Variants in AGGF1 observed in about 807,000 individuals in gnomAD.
The protein encoded by AGGF1 is angiogenic factor with G-patch and FHA domains 1, also known as angiogenic factor with G patch and FHA domains 1.
In AGGF1, 56 loss-of-function variants were observed where a neutral mutation model predicts 86.5. The ratio of observed to expected loss-of-function variants is 0.65; its 90% CI spans 0.52 to 0.81. The LOEUF is 0.81. Ranked by LOEUF, AGGF1 falls within the 30% of genes least tolerant of loss-of-function variation. AGGF1 has a pLI of 0.00. For synonymous variants in AGGF1, 313 were observed against 297.1 expected (o/e 1.05, Z -0.55); for missense variants, 816 against 850.9 (o/e 0.96, Z 0.51).
chr5:77,063,318 C>A lies in AGGF1; in HGVS notation c.*66C>A. Reference sequence around the variant, plus strand: ...TAGAATTTGGAAACTTATTTTTTCTCCCCAAAAGAATCAGCAGCACAGGGG... The same window carrying A: ...TAGAATTTGGAAACTTATTTTTTCTACCCAAAAGAATCAGCAGCACAGGGG... On this transcript the variant is annotated 3_prime_UTR_variant, in exon 14 of 14. Coordinates refer to ENST00000312916, the MANE Select transcript of AGGF1 (RefSeq NM_018046.5). 1 of 1,455,220 alleles carries A rather than the reference C, an allele frequency of 6.9e-7. No homozygotes were observed. The highest frequency in any genetic ancestry group is 1.2e-5 in the South Asian group (1 of 83,122). 90.1% of individuals were successfully genotyped at this position (1,455,220 alleles called of 1,614,324 possible).
chr5:77,048,839 G>A (rs375281278), intron 7 of AGGF1, 97 bp from the exon 8 acceptor site: 64 of 1,117,484 alleles, frequency 5.7e-5, no homozygotes, highest in South Asian at 1.4e-4. Flanking sequence ...GTTGATAGAC[G>A]TGTATTTTAA....
rs1417633719 is a variant in AGGF1 at position 77,063,542 on chromosome 5, C to T, written c.*290C>T. The T allele has an allele frequency of 5.4e-6, 2 of 372,704 alleles. No homozygotes were observed. The highest frequency in any genetic ancestry group is 9.9e-6 in the Non-Finnish European group (2 of 202,168). 23.1% of individuals were successfully genotyped at this position (372,704 alleles called of 1,614,324 possible). On this transcript the variant is annotated 3_prime_UTR_variant, in exon 14 of 14. Transcript: ENST00000312916. ...TACAACATCCATATAAGCAACTAGC[C>T]ATATAAGCAAAATTCATAGAACTAC... is the stretch of plus-strand genomic sequence containing the variant.
At chr5:77,052,020 TGAGAAG>T (rs1747379734) in intron 8 of AGGF1, among the ~76,000 whole-genome samples, 1 of 152,170 alleles carries the variant, frequency 6.6e-6, no homozygotes, top group Non-Finnish European at 1.5e-5. Flanking sequence ...GAAACTTCTC[TGAGAAG>T]TTGGCCTTGA....
rs1172733362 is a variant in AGGF1 at position 77,036,180 on chromosome 5, T to C, written c.517-376T>C. ...TGTGTTTGATATATCTCATTTAATC[T>C]ACAGTTTTCTCCTTCATTTGTCTTT... On this transcript the variant is annotated intron_variant, in intron 3 of 13. Transcript: ENST00000312916. The C allele has an allele frequency of 3.0e-5, 8 of 270,136 alleles. No individual in the cohort carries two copies. In the East Asian group the frequency reaches 8.1e-4, roughly 27 times the overall value. 16.7% of individuals were successfully genotyped at this position (270,136 alleles called of 1,614,324 possible).
At chr5:77,052,135 T>C (rs994507810) in intron 8 of AGGF1, among the ~76,000 whole-genome samples, 14 of 152,130 alleles carry the variant, frequency 9.2e-5, no homozygotes, top group African/African-American at 3.4e-4. Flanking sequence ...GGAGGATCAC[T>C]TGAGCTCAGG....
Position 77,054,016 on chromosome 5 carries a change from A to T in AGGF1, c.1519A>T (p.Ile507Phe), listed in dbSNP as rs938853023. 3.1e-6 allele frequency: 5 copies of T among 1,614,200 alleles called. No homozygotes were observed. Among genetic ancestry groups the T allele is most frequent in the Non-Finnish European group, 3.4e-6 (4 of 1,180,028 alleles). Reference protein sequence around the residue: ...YVLEHGDEVKIGETVLSFHIH... With the variant: ...YVLEHGDEVKFGETVLSFHIH... ...ACTTGAGCATGGAGATGAAGTCAAA[A>T]TTGGAGAAACTGTCTTATCCTTTCA... The change falls in exon 10 of 14, where the codon ATT (isoleucine) becomes TTT (phenylalanine). Residue 507 changes from isoleucine (I) to phenylalanine (F), a missense_variant. Ile to Phe is a conservative substitution (Grantham distance 21). This residue lies in a region of AGGF1 where 565 missense variants were observed against 585.8 expected (regional missense o/e 0.96). Coordinates refer to ENST00000312916, the MANE Select transcript of AGGF1 (RefSeq NM_018046.5).
rs906690829 is a variant in AGGF1 at position 77,064,155 on chromosome 5, C to G, written c.*903C>G. The G allele has an allele frequency of 3.3e-5, 5 of 152,712 alleles. No individual in the cohort carries two copies. The highest frequency in any genetic ancestry group is 2.1e-4 in the South Asian group (1 of 4,826). The allele number at this position is 152,712 out of a possible 1,614,324, so 9.5% of individuals were successfully genotyped here. A position where few individuals can be genotyped will look rare whatever the true frequency, so the allele number is the denominator to read the frequency against. ...TGATCTGCTTTGAATTTTCAAGCAG[C>G]CAGAATTTTCTAGTTTAAATTGGCA... On this transcript the variant is annotated 3_prime_UTR_variant, in exon 14 of 14. Coordinates refer to ENST00000312916, the MANE Select transcript of AGGF1 (RefSeq NM_018046.5).
At chr5:77,031,053 G>A in intron 1 of AGGF1, 77 bp downstream of exon 1, 2 of 1,493,278 alleles carry the variant, frequency 1.3e-6, no homozygotes, top group South Asian at 1.1e-5. Flanking sequence ...CTCGGAAGGG[G>A]TCCCTGGCAG....
rs1747305727 is a variant in AGGF1 at position 77,048,224 on chromosome 5, TAG to T, written c.1266_1267del (p.Ile422MetfsTer28). Reference sequence around the variant, plus strand: ...GTCATTAGATCACCTGTGTTGCAGATAGGATCACTCTTTATCATTACTGCTGT... The same window carrying T: ...GTCATTAGATCACCTGTGTTGCAGATGATCACTCTTTATCATTACTGCTGT... On this transcript the variant is annotated frameshift_variant, in exon 7 of 14. Coordinates refer to ENST00000312916, the MANE Select transcript of AGGF1 (RefSeq NM_018046.5). LOFTEE classifies it high-confidence loss of function. 5 of 1,613,894 alleles carry T rather than the reference TAG, an allele frequency of 3.1e-6. No individual in the cohort carries two copies. Among genetic ancestry groups the T allele is most frequent in the Non-Finnish European group, 4.2e-6 (5 of 1,179,854 alleles).
intron 2 of AGGF1, among the ~76,000 whole-genome samples, chr5:77,035,090 A>C (rs1422769230): frequency 1.3e-5 from 2 of 152,238 alleles, no homozygotes; most frequent in Non-Finnish European, 1.5e-5. Flanking sequence ...TCTTATCTGC[A>C]TGATACGTTT....
rs566821037 is a variant in AGGF1, at chr5:77,046,293, T to C, written c.871-54T>C. 1.2e-3 allele frequency: 1,706 copies of C among 1,381,410 alleles called. 24 individuals are homozygous for C. Among genetic ancestry groups the C allele is most frequent in the Middle Eastern group, 4.3e-3 (19 of 4,440 alleles). 85.6% of individuals were successfully genotyped at this position (1,381,410 alleles called of 1,614,324 possible). ...AACTTGATGTAATGTTATAAGATAG[T>C]GATGTTTAAGAGTATTCTCCCCTGT... On this transcript the variant is annotated intron_variant, in intron 5 of 13. Coordinates refer to ENST00000312916, the MANE Select transcript of AGGF1 (RefSeq NM_018046.5).
At position 77,052,768 on chromosome 5, in the gene AGGF1, T is replaced by C; in HGVS notation, c.1428T>C (p.Ser476=). 1.2e-6 allele frequency: 2 copies of C among 1,613,832 alleles called. No individual in the cohort carries two copies. The highest frequency in any genetic ancestry group is 1.7e-6 in the Non-Finnish European group (2 of 1,179,836). ...GTTATGTCCTTGTGGATCAAGGCAG[T>C]CAAAATGGCACAATTGTTAATGGAA... ...LQSYVLVDQG[S]QNGTIVNGKQ... Residue 476 remains serine, a synonymous_variant, in exon 9 of 14, where the codon AGT becomes AGC. Transcript: ENST00000312916.
intron 7 of AGGF1, among the ~76,000 whole-genome samples, chr5:77,048,509 G>T (rs1747311707): frequency 2.0e-5 from 3 of 151,972 alleles, no homozygotes. Flanking sequence ...GCACCACCAC[G>T]CCCAGCTGAT....
At position 77,030,992 on chromosome 5, in the gene AGGF1, C is replaced by T. The variant is rs764566058; in HGVS notation, c.210+16C>T. The T allele has an allele frequency of 1.2e-6, 2 of 1,610,816 alleles. No individual in the cohort carries two copies. Among genetic ancestry groups the T allele is most frequent in the East Asian group, 4.5e-5 (2 of 44,876 alleles). ...CCGCACGCAGGTGCGCGGTCCTCCT[C>T]AGCCCCGCGCCCCATCCAGCCCAGG... On this transcript the variant is annotated intron_variant, in intron 1 of 13. Coordinates refer to ENST00000312916, the MANE Select transcript of AGGF1 (RefSeq NM_018046.5).
chr5:77,046,328 T>A lies in AGGF1; in HGVS notation c.871-19T>A, dbSNP rs185066675. ...GAGTATTCTCCCCTGTTCCCTCGTA[T>A]CTACCCACCCTTCTCCAGGATTTGA... On this transcript the variant is annotated intron_variant, in intron 5 of 13. Coordinates refer to ENST00000312916, the MANE Select transcript of AGGF1 (RefSeq NM_018046.5). The A allele has an allele frequency of 4.9e-4, 777 of 1,597,314 alleles. No homozygotes were observed. Among genetic ancestry groups the A allele is most frequent in the Non-Finnish European group, 5.9e-4 (693 of 1,165,252 alleles).
At chr5:77,044,340 A>G (rs992120339) in intron 5 of AGGF1, among the ~76,000 whole-genome samples, 15 of 152,186 alleles carry the variant, frequency 9.9e-5, no homozygotes, top group African/African-American at 3.1e-4. Context: ...GAATTTTGAG[A>G]ATTTCCTGAG....
Position 77,030,799 on chromosome 5 carries a change from G to T in AGGF1, c.33G>T (p.Ser11=), listed in dbSNP as rs1051520558. Residue 11 remains serine (S), a synonymous_variant, in exon 1 of 14, where the codon TCG becomes TCT. Coordinates refer to ENST00000312916, the MANE Select transcript of AGGF1 (RefSeq NM_018046.5). ...CGGAGGCGCCGTCCCCGCCGCGGTCGCCGCCGCCGCCCACCTCCCCCGAGC... is the reference window on the plus strand; with the variant it reads ...CGGAGGCGCCGTCCCCGCCGCGGTCTCCGCCGCCGCCCACCTCCCCCGAGC... The part of the protein sequence containing the change: MASEAPSPPR[S]PPPPTSPEPE... The T allele has an allele frequency of 3.1e-6, 5 of 1,595,308 alleles. No homozygotes were observed.
chr5:77,061,254 T>A (rs1434097250), intron 12 of AGGF1, among the ~76,000 whole-genome samples: 1 of 152,212 alleles, frequency 6.6e-6, no homozygotes, highest in Non-Finnish European at 1.5e-5. Context: ...TCCCGAAAGG[T>A]AATCACCATC....
chr5:77,032,261 A>AAAAAC (rs1746869876), intron 1 of AGGF1, among the ~76,000 whole-genome samples: 6 of 149,986 alleles, frequency 4.0e-5, no homozygotes, highest in Admixed American at 4.0e-4. Context: ...GTAAAAAAAA[A>AAAAAC]AAAAAAAAAA....
Sources: allele counts gnomAD v4.1 joint callset (sites outside exome capture counted in the v4.1 genomes callset), GRCh38; gene constraint gnomAD v4.1.1; regional missense constraint gnomAD v4.1.1; transcripts MANE v1.5; gene names NCBI Gene and HGNC (gene_info 2026-07-23, HGNC 2026-07-21).